The following FGF12 variants were observed in gnomAD, a reference collection of about 807,000 sequenced individuals.
FGF12 encodes fibroblast growth factor 12, also known as fibroblast growth factor 12B.
In FGF12, 14 loss-of-function variants were observed where a neutral mutation model predicts 23.6. That is an observed-to-expected ratio of 0.59 (90% CI 0.39 to 0.93). FGF12 has a LOEUF of 0.93. Among genes scored for constraint, FGF12 ranks in the 40% least tolerant of loss-of-function variants. The pLI is 0.00. For synonymous variants in FGF12, 62 were observed against 77.3 expected (o/e 0.80, Z 1.04); for missense variants, 175 against 217.8 (o/e 0.80, Z 1.24).
At chr3:192,248,940 T>C (rs1711821604) in intron 4 of FGF12, among the ~76,000 whole-genome samples, 1 of 152,178 alleles carries the variant, frequency 6.6e-6, no homozygotes, top group African/African-American at 2.4e-5. Context: ...TCAGTGATTA[T>C]TGATTGGGTT....
intron 2 of FGF12, among the ~76,000 whole-genome samples, chr3:192,512,992 A>AT (rs961569268): frequency 6.6e-6 from 1 of 151,366 alleles, no homozygotes; most frequent in African/African-American, 2.4e-5. Context: ...GTCCAATCAC[A>AT]TAAGTTAACC....
chr3:192,433,892 A>T (rs1329890847), intron 2 of FGF12, among the ~76,000 whole-genome samples: 1 of 152,202 alleles, frequency 6.6e-6, no homozygotes, highest in African/African-American at 2.4e-5. Flanking sequence ...GAGTCAGCAC[A>T]GTGGGCAGTT....
At position 192,302,182 on chromosome 3, in the gene FGF12, C is replaced by T. The variant is rs75678771; in HGVS notation, c.228+33179G>A. On this transcript the variant is annotated intron_variant, in intron 4 of 5. Coordinates refer to ENST00000445105, the MANE Select transcript of FGF12 (RefSeq NM_004113.6). ...GTAGAGCCACCAGCCCTCTGGGTGG[C>T]CTTAGGCAGGTCATGTCTCCTCTGG... Among the ~76,000 whole-genome samples the T allele has an allele frequency of 2.6e-5, 4 of 152,248 alleles. No individual in the cohort carries two copies. The East Asian group carries it at 5.8e-4, about 22-fold the overall frequency.
At chr3:192,273,935 A>G (rs987276699) in intron 4 of FGF12, among the ~76,000 whole-genome samples, 3 of 151,958 alleles carry the variant, frequency 2.0e-5, no homozygotes, top group Non-Finnish European at 2.9e-5. Context: ...AACTGAAAAC[A>G]GTGAAAAATG....
chr3:192,216,917 T>G (rs1718221043), intron 4 of FGF12, among the ~76,000 whole-genome samples: 1 of 152,228 alleles, frequency 6.6e-6, no homozygotes, highest in Non-Finnish European at 1.5e-5. Context: ...TAATTGAATA[T>G]TAAGGATGTG....
At chr3:192,269,442 ACT>A (rs909044032) in intron 4 of FGF12, among the ~76,000 whole-genome samples, 4 of 151,972 alleles carry the variant, frequency 2.6e-5, no homozygotes, top group Non-Finnish European at 5.9e-5. Context: ...CTGCAGACAG[ACT>A]CTCTACATTT....
Position 192,378,021 on chromosome 3 carries a change from C to T in FGF12, c.14-17483G>A, listed in dbSNP as rs575148710. On this transcript the variant is annotated intron_variant, in intron 2 of 5. Coordinates refer to ENST00000445105, the MANE Select transcript of FGF12 (RefSeq NM_004113.6). ...TAGACGAGATCCCTTTCTTCTGACT[C>T]TTTCTTTTCTTTCTTTCTTTCTTTC... Among the ~76,000 whole-genome samples, 505 of 71,248 alleles carry T rather than the reference C, an allele frequency of 7.1e-3. 27 individuals are homozygous for T. Among genetic ancestry groups the T allele is most frequent in the Non-Finnish European group, 9.8e-3 (382 of 38,814 alleles). 46.7% of individuals were successfully genotyped at this position (71,248 alleles called of 152,430 possible).
At chr3:192,622,228 T>A (rs563689539) in intron 2 of FGF12, among the ~76,000 whole-genome samples, 2 of 152,038 alleles carry the variant, frequency 1.3e-5, no homozygotes, top group Non-Finnish European at 2.9e-5. Flanking sequence ...TATGGAGCAG[T>A]CCAAAGGGAA....
At chr3:192,549,419 T>TATTATTCATGACAGAATAATG (rs1438878395) in intron 2 of FGF12, among the ~76,000 whole-genome samples, 5 of 152,190 alleles carry the variant, frequency 3.3e-5, no homozygotes, top group Non-Finnish European at 5.9e-5. Flanking sequence ...AATAGACATT[T>TATTATTCATGACAGAATAATG]ATTATTCATG....
At chr3:192,567,801 C>CTTTT (rs1315183581) in intron 2 of FGF12, among the ~76,000 whole-genome samples, 7 of 103,986 alleles carry the variant, frequency 6.7e-5, no homozygotes, top group Admixed American at 3.0e-4. Flanking sequence ...TTCTTTCTTT[C>CTTTT]TCTTTCTTTC....
rs9820084 is a variant in FGF12, at chr3:192,566,020, A to G, written c.13+161161T>C. Reference sequence around the variant, plus strand: ...AGAATCACCTGAATCCGGGAAGCAGAGGTTGCGGTGAGCCGAGATTGCGCC... The same window carrying G: ...AGAATCACCTGAATCCGGGAAGCAGGGGTTGCGGTGAGCCGAGATTGCGCC... On this transcript the variant is annotated intron_variant, in intron 2 of 5. Transcript: ENST00000445105. 3.8e-3 allele frequency among the ~76,000 whole-genome samples: 573 copies of G among 152,340 alleles called. 5 individuals carry two copies. The highest frequency in any genetic ancestry group is 0.013 in the African/African-American group (560 of 41,584).
intron 4 of FGF12, among the ~76,000 whole-genome samples, chr3:192,304,930 C>T (rs1234943595): frequency 2.6e-5 from 4 of 152,122 alleles, no homozygotes; most frequent in African/African-American, 9.7e-5. Flanking sequence ...AAGCATCTAG[C>T]TCACTTTGTA....
chr3:192,288,436 T>A (rs910079864), intron 4 of FGF12, among the ~76,000 whole-genome samples: 4 of 152,074 alleles, frequency 2.6e-5, no homozygotes, highest in Non-Finnish European at 5.9e-5. Flanking sequence ...CAAAATTAGA[T>A]TTATACCTGT....
chr3:192,446,774 C>G (rs1021742668), intron 2 of FGF12, among the ~76,000 whole-genome samples: 2 of 152,190 alleles, frequency 1.3e-5, no homozygotes, highest in Non-Finnish European at 2.9e-5. Flanking sequence ...TGGACATACA[C>G]CACCTCTGAA....
chr3:192,204,476 G>A (rs1158897865), intron 4 of FGF12, among the ~76,000 whole-genome samples: 1 of 152,152 alleles, frequency 6.6e-6, no homozygotes, highest in African/African-American at 2.4e-5. Flanking sequence ...CTTTACTGAA[G>A]CAAGAATTGT....
intron 2 of FGF12, among the ~76,000 whole-genome samples, chr3:192,377,394 A>G (rs1297623704): frequency 1.3e-5 from 2 of 152,200 alleles, no homozygotes; most frequent in Non-Finnish European, 2.9e-5. Flanking sequence ...TTTCTGGCAC[A>G]TAGAGATTTC....
At position 192,336,355 on chromosome 3, in the gene FGF12, C is replaced by T. The variant is rs572108487; in HGVS notation, c.125-891G>A. Among the ~76,000 whole-genome samples the T allele has an allele frequency of 1.1e-4, 17 of 152,000 alleles. No homozygotes were observed. The highest frequency in any genetic ancestry group is 1.9e-4 in the East Asian group (1 of 5,176). On this transcript the variant is annotated intron_variant, in intron 3 of 5. Transcript: ENST00000445105. The surrounding 1 kb of genome is among the most constrained non-coding windows in gnomAD (Gnocchi z 4.3). Reference sequence around the variant, plus strand: ...TATATGTCCACTTAGAGAAGGAATTCGTAGATCAGAAAAAAAGATACCTAA... The same window carrying T: ...TATATGTCCACTTAGAGAAGGAATTTGTAGATCAGAAAAAAAGATACCTAA...
chr3:192,473,618 G>A (rs939883575), intron 2 of FGF12, among the ~76,000 whole-genome samples: 5 of 152,218 alleles, frequency 3.3e-5, no homozygotes, highest in East Asian at 3.9e-4. Flanking sequence ...AGTATTTTGG[G>A]TTACTGTCCT....
intron 2 of FGF12, among the ~76,000 whole-genome samples, chr3:192,361,251 C>T (rs1426443747): frequency 1.3e-5 from 2 of 151,214 alleles, no homozygotes; most frequent in African/African-American, 4.9e-5. Flanking sequence ...TTTTAAAAAC[C>T]CTCTAAACAC....
Sources: gnomAD v4.1 joint callset for allele counts (sites outside exome capture counted in the v4.1 genomes callset) on GRCh38, gnomAD v4.1.1 for gene constraint, Gnocchi (gnomAD v3.1) non-coding constraint, MANE v1.5 for transcripts, NCBI Gene and HGNC (gene_info 2026-07-23, HGNC 2026-07-21) for gene names.